The following SH2D7 variants were observed in gnomAD, a reference collection of about 807,000 sequenced individuals.
SH2D7 encodes the protein SH2 domain containing 7, also known as SH2 domain-containing protein 7.
A neutral mutation model predicts 40.8 loss-of-function variants in SH2D7; 32 were observed. The observed-to-expected ratio is 0.78, with a 90% CI of 0.59 to 1.05. The LOEUF (loss-of-function observed/expected upper bound fraction) is 1.05. SH2D7 is among the 50% of genes least tolerant of loss of function. The pLI, the probability that SH2D7 is intolerant of heterozygous loss-of-function variation, is 0.00. For synonymous variants in SH2D7, 195 were observed against 221.5 expected (o/e 0.88, Z 1.06); for missense variants, 559 against 566.6 (o/e 0.99, Z 0.14).
intron 5 of SH2D7, among the ~76,000 whole-genome samples, chr15:78,102,790 C>T (rs2074025833): frequency 6.6e-6 from 1 of 152,006 alleles, no homozygotes; most frequent in Admixed American, 6.5e-5. Flanking sequence ...CTGGAGCCCT[C>T]GGTCCCAACT....
upstream of SH2D7, chr15:78,092,494 G>C: frequency 7.1e-7 from 1 of 1,402,902 alleles, no homozygotes; most frequent in South Asian, 1.4e-5. Context: ...CCTTGGGTAG[G>C]GCACGGGCTC....
chr15:78,103,320 G>A, intron 5 of SH2D7, 145 bp from the exon 6 acceptor site: 1 of 851,766 alleles, frequency 1.2e-6, no homozygotes, highest in Non-Finnish European at 1.8e-6. Flanking sequence ...GGAGAGGCTT[G>A]TGGAATCAAC....
At chr15:78,091,984 CT>C (rs2073943022), upstream of SH2D7, among the ~76,000 whole-genome samples, 1 of 152,224 alleles carries the variant, frequency 6.6e-6, no homozygotes, top group African/African-American at 2.4e-5. Flanking sequence ...TTCCATTTGA[CT>C]CTATATTCTA....
At chr15:78,094,030 GGATTCCAAGAGAGGCCTAAGTCAGGC>G in intron 1 of SH2D7, 56 bp from the exon 2 acceptor site, 1 of 1,370,350 alleles carries the variant, frequency 7.3e-7, no homozygotes, top group Non-Finnish European at 1.0e-6. Flanking sequence ...TGGCCAGCAG[GGATTCCAAGAGAGGCCTAAGTCAGGC>G]TGCACCTGCT....
intron 4 of SH2D7, among the ~76,000 whole-genome samples, chr15:78,099,103 G>A (rs938895171): frequency 4.6e-5 from 7 of 150,884 alleles, no homozygotes; most frequent in Non-Finnish European, 5.9e-5. Context: ...AATCTCCGCC[G>A]TCTCCTGGGT....
Position 78,101,293 on chromosome 15 carries a change from C to T in SH2D7, c.1040C>T (p.Ser347Phe). The change falls in exon 5 of 6, where the codon TCT becomes TTT. Residue 347 changes from serine (S) to phenylalanine (F), a missense_variant. By Grantham distance (155) the Ser-to-Phe change is radical. Coordinates refer to ENST00000328828, the MANE Select transcript of SH2D7 (RefSeq NM_001101404.2). ...QEAQPCSQGSSADIYEFIGTE... is the reference protein window; with the variant it reads ...QEAQPCSQGSFADIYEFIGTE... ...GCTCAGCCCTGCTCCCAGGGCAGCT[C>T]TGCAGATATCTATGAGTTCATCGGG... The T allele has an allele frequency of 6.2e-7, 1 of 1,612,878 alleles. No individual in the cohort carries two copies. Among genetic ancestry groups the T allele is most frequent in the South Asian group, 1.1e-5 (1 of 90,986 alleles).
chr15:78,092,833 C>T, intron 1 of SH2D7, 73 bp downstream of exon 1: 1 of 1,465,692 alleles, frequency 6.8e-7, no homozygotes, highest in Non-Finnish European at 9.1e-7. Context: ...TCTGGGAACT[C>T]TGGATCAGAC....
intron 2 of SH2D7, among the ~76,000 whole-genome samples, chr15:78,094,413 G>C (rs1015959502): frequency 6.6e-6 from 1 of 152,252 alleles, no homozygotes; most frequent in Admixed American, 6.5e-5. Flanking sequence ...AAGGAGGTGA[G>C]TGGGGTTCGG....
upstream of SH2D7, among the ~76,000 whole-genome samples, chr15:78,090,623 C>CCATCATCAT (rs59098608): frequency 3.0e-3 from 438 of 146,448 alleles, 1 homozygote; most frequent in South Asian, 4.8e-3. Context: ...TCTTGCATCA[C>CCATCATCAT]CATCATCATC....
chr15:78,090,965 A>T (rs772791078), upstream of SH2D7, among the ~76,000 whole-genome samples: 3 of 152,182 alleles, frequency 2.0e-5, no homozygotes, highest in Admixed American at 1.3e-4. Flanking sequence ...GAAACAGAAC[A>T]CTGTCAGCAC....
At chr15:78,098,275 C>CAGAG in intron 3 of SH2D7, 109 bp from the exon 4 acceptor site, 1 of 1,436,880 alleles carries the variant, frequency 7.0e-7, no homozygotes, top group African/African-American at 1.4e-5. Flanking sequence ...TACCTGAGGT[C>CAGAG]AGAGACCTGG....
At chr15:78,093,620 G>A (rs372535773) in intron 1 of SH2D7, among the ~76,000 whole-genome samples, 3 of 152,196 alleles carry the variant, frequency 2.0e-5, no homozygotes, top group African/African-American at 4.8e-5. Flanking sequence ...GACAGGAAGA[G>A]GAATGAGTCC....
At chr15:78,093,826 G>A (rs182581231) in intron 1 of SH2D7, among the ~76,000 whole-genome samples, 27 of 152,338 alleles carry the variant, frequency 1.8e-4, no homozygotes, top group African/African-American at 6.5e-4. Flanking sequence ...CAACCAATGT[G>A]CCTGCTAGTG....
At position 78,101,013 on chromosome 15, in the gene SH2D7, C is replaced by T. The variant is rs761469909; in HGVS notation, c.760C>T (p.Leu254=). Reference sequence around the variant, plus strand: ...CCTGAGGAGGATGAACCAGGCACGGCTAGGCTTGGGCACAGAGGGGTCCGG... The same window carrying T: ...CCTGAGGAGGATGAACCAGGCACGGTTAGGCTTGGGCACAGAGGGGTCCGG... ...ADLRRMNQAR[L]GLGTEGSGRH... The change falls in exon 5 of 6, where the codon CTA becomes TTA. Residue 254 remains leucine (L), a synonymous_variant. Coordinates refer to ENST00000328828, the MANE Select transcript of SH2D7 (RefSeq NM_001101404.2). 6.2e-7 allele frequency: 1 copy of T among 1,613,756 alleles called. No homozygotes were observed. Among genetic ancestry groups the T allele is most frequent in the Middle Eastern group, 1.7e-4 (1 of 6,060 alleles).
Position 78,092,675 on chromosome 15 carries a change from C to A in SH2D7, c.91C>A (p.Leu31Met). The change falls in exon 1 of 6, where the codon CTG (leucine) becomes ATG (methionine). Residue 31 changes from leucine (L) to methionine (M), a missense_variant. By Grantham distance (15) the Leu-to-Met change is conservative. Transcript: ENST00000328828. Reference sequence around the variant, plus strand: ...CCTGGCTGAGCTCCAGGAGCTTGCCCTGAAGTGGTTCATGGAGACACAGGC... The same window carrying A: ...CCTGGCTGAGCTCCAGGAGCTTGCCATGAAGTGGTTCATGGAGACACAGGC... ...QALAELQELA[L>M]KWFMETQAPF... 6.3e-7 allele frequency: 1 copy of A among 1,586,504 alleles called. No homozygotes were observed. The highest frequency in any genetic ancestry group is 2.3e-5 in the East Asian group (1 of 43,448).
intron 4 of SH2D7, 68 bp downstream of exon 4, chr15:78,098,664 G>A: frequency 1.3e-6 from 2 of 1,519,062 alleles, no homozygotes; most frequent in Non-Finnish European, 1.8e-6. Context: ...CATGCTCCCA[G>A]TCAGACCCTG....
chr15:78,102,488 C>T lies in SH2D7; in HGVS notation c.1305+930C>T, dbSNP rs144424461. Among the ~76,000 whole-genome samples the T allele has an allele frequency of 1.1e-4, 17 of 152,190 alleles. No individual in the cohort carries two copies. In the East Asian group the frequency reaches 3.3e-3, roughly 29 times the overall value. On this transcript the variant is annotated intron_variant, in intron 5 of 5. Transcript: ENST00000328828. ...ACACCCTCTCCTGCTCAGAACACAGCCCAGAGAGGGCTCTTGATGAACAGA... is the reference window on the plus strand; with the variant it reads ...ACACCCTCTCCTGCTCAGAACACAGTCCAGAGAGGGCTCTTGATGAACAGA...
At position 78,103,543 on chromosome 15, in the gene SH2D7, G is replaced by T; in HGVS notation, c.*28G>T. ...GCCTGGCATCCGGCAGCCCACCAGT[G>T]GGTTTCCTGGTACCCAGGCCATGCC... On this transcript the variant is annotated 3_prime_UTR_variant, in exon 6 of 6. Transcript: ENST00000328828. The T allele has an allele frequency of 6.4e-7, 1 of 1,556,552 alleles. No individual in the cohort carries two copies.
rs1026339266 is a variant in SH2D7 at position 78,103,818 on chromosome 15, T to C, written c.*303T>C. The C allele has an allele frequency of 1.0e-5, 4 of 394,268 alleles. No homozygotes were observed. In the Admixed American group the frequency reaches 1.6e-4, roughly 16 times the overall value. 24.4% of individuals were successfully genotyped at this position (394,268 alleles called of 1,614,324 possible). A position where few individuals can be genotyped will look rare whatever the true frequency, so the allele number is the denominator to read the frequency against. Reference sequence around the variant, plus strand: ...GGGGTCACCACCCCCATTTCCCAGATAAGCATGCTGAGGCCCAGGCAGACT... The same window carrying C: ...GGGGTCACCACCCCCATTTCCCAGACAAGCATGCTGAGGCCCAGGCAGACT... On this transcript the variant is annotated 3_prime_UTR_variant, in exon 6 of 6. Transcript: ENST00000328828.
Sources: allele counts gnomAD v4.1 joint callset (sites outside exome capture counted in the v4.1 genomes callset), GRCh38; gene constraint gnomAD v4.1.1; transcripts MANE v1.5; gene names NCBI Gene and HGNC (gene_info 2026-07-23, HGNC 2026-07-21).